The following SLC25A21 variants were observed in gnomAD, a reference collection of about 807,000 sequenced individuals.
The protein encoded by SLC25A21 is solute carrier family 25 member 21, also known as mitochondrial 2-oxodicarboxylate carrier.
A neutral mutation model predicts 43.8 loss-of-function variants in SLC25A21; 47 were observed. The ratio of observed to expected loss-of-function variants is 1.07; its 90% confidence interval spans 0.85 to 1.37. The LOEUF is 1.37. Ranked by LOEUF, SLC25A21 falls within the 40% of genes most tolerant of loss-of-function variation. The probability of loss-of-function intolerance (pLI) is 0.00; values close to 1 mark genes in which losing one functional copy is unlikely to be tolerated. For missense variants in SLC25A21, 352 were observed against 350.2 expected, an observed-to-expected ratio of 1.00 and a Z score of -0.04; for synonymous variants, 131 against 121.3, an observed-to-expected ratio of 1.08 and a Z score of -0.52.
At chr14:36,700,164 C>T (rs1371721205) in intron 7 of SLC25A21, among the ~76,000 whole-genome samples, 2 of 152,210 alleles carry the variant, frequency 1.3e-5, no homozygotes, top group Non-Finnish European at 1.5e-5. Flanking sequence ...GCGAGGATTA[C>T]AGGCATGAGT....
At chr14:37,137,613 C>T (rs898167724) in intron 1 of SLC25A21, among the ~76,000 whole-genome samples, 2 of 152,070 alleles carry the variant, frequency 1.3e-5, no homozygotes, top group Non-Finnish European at 2.9e-5. Context: ...GTGCCAGCTG[C>T]CTGACTTTTA....
chr14:36,720,161 TC>T (rs1160080547), intron 6 of SLC25A21, among the ~76,000 whole-genome samples: 8 of 152,164 alleles, frequency 5.3e-5, no homozygotes, highest in Non-Finnish European at 8.8e-5. Flanking sequence ...CTGTAGCAGT[TC>T]CTTTGTTCCA....
At chr14:36,981,795 A>G (rs1960031321) in intron 1 of SLC25A21, among the ~76,000 whole-genome samples, 1 of 152,214 alleles carries the variant, frequency 6.6e-6, no homozygotes, top group Non-Finnish European at 1.5e-5. Flanking sequence ...TATGTAACAA[A>G]CCTGCACCTT....
At chr14:36,995,916 C>T (rs1355918745) in intron 1 of SLC25A21, among the ~76,000 whole-genome samples, 1 of 152,200 alleles carries the variant, frequency 6.6e-6, no homozygotes, top group Non-Finnish European at 1.5e-5. Flanking sequence ...TTGGACCAGG[C>T]ATTCATTTAA....
At chr14:36,709,392 G>A (rs571228124) in intron 7 of SLC25A21, among the ~76,000 whole-genome samples, 1 of 152,248 alleles carries the variant, frequency 6.6e-6, no homozygotes, top group East Asian at 1.9e-4. Flanking sequence ...TATTTAGCAG[G>A]TTCCTCTAAA....
chr14:36,846,747 A>G (rs1889557328), intron 2 of SLC25A21, among the ~76,000 whole-genome samples: 1 of 152,188 alleles, frequency 6.6e-6, no homozygotes, highest in South Asian at 2.1e-4. Context: ...TGTGTTGAAT[A>G]TATAGCAAAT....
intron 1 of SLC25A21, among the ~76,000 whole-genome samples, chr14:36,992,849 GC>G (rs1960293886): frequency 6.6e-6 from 1 of 152,004 alleles, no homozygotes; most frequent in Admixed American, 6.6e-5. Context: ...TGTTTCCTTT[GC>G]CCAGATCCAC....
At chr14:37,170,596 A>C (rs1255782197) in intron 1 of SLC25A21, among the ~76,000 whole-genome samples, 1 of 152,146 alleles carries the variant, frequency 6.6e-6, no homozygotes, top group East Asian at 1.9e-4. Context: ...CAAATTCATC[A>C]TCACAATTGG....
chr14:37,088,871 C>G (rs1962531963), intron 1 of SLC25A21, among the ~76,000 whole-genome samples: 1 of 151,102 alleles, frequency 6.6e-6, no homozygotes, highest in South Asian at 2.1e-4. Context: ...TTCTTTCTTA[C>G]TCTCTCTCTC....
At chr14:36,736,081 A>G (rs1197787338) in intron 3 of SLC25A21, among the ~76,000 whole-genome samples, 2 of 151,032 alleles carry the variant, frequency 1.3e-5, no homozygotes, top group African/African-American at 4.9e-5. Context: ...GACTACAGGC[A>G]CCCGCCACCA....
chr14:36,945,129 A>C (rs2138654412), intron 1 of SLC25A21, among the ~76,000 whole-genome samples: 1 of 152,270 alleles, frequency 6.6e-6, no homozygotes, highest in Non-Finnish European at 1.5e-5. Flanking sequence ...TGTGAGGATA[A>C]GAAGAAGTGG....
chr14:36,893,497 T>C (rs914823939), intron 1 of SLC25A21, among the ~76,000 whole-genome samples: 4 of 152,196 alleles, frequency 2.6e-5, no homozygotes, highest in Non-Finnish European at 4.4e-5. Context: ...GTAGGTTGCC[T>C]GTTCACTCTG....
At chr14:37,037,014 T>C (rs1205121119) in intron 1 of SLC25A21, among the ~76,000 whole-genome samples, 1 of 152,198 alleles carries the variant, frequency 6.6e-6, no homozygotes, top group Non-Finnish European at 1.5e-5. Flanking sequence ...TTTCTCTTCA[T>C]AAATGAACAT....
At position 36,967,753 on chromosome 14, in the gene SLC25A21, T is replaced by C. The variant is rs973862076; in HGVS notation, c.71-92749A>G. On this transcript the variant is annotated intron_variant, in intron 1 of 9. Coordinates refer to ENST00000331299, the MANE Select transcript of SLC25A21 (RefSeq NM_030631.4). Reference sequence around the variant, plus strand: ...GGTACTGGAGGTACAATGATGAAGATTGACAGCACACTCCCTGCCTGTGTG... The same window carrying C: ...GGTACTGGAGGTACAATGATGAAGACTGACAGCACACTCCCTGCCTGTGTG... 3.9e-5 allele frequency among the ~76,000 whole-genome samples: 6 copies of C among 152,330 alleles called. No homozygotes were observed. In the East Asian group the frequency reaches 9.6e-4, roughly 24 times the overall value.
chr14:37,072,497 T>C (rs1962193532), intron 1 of SLC25A21, among the ~76,000 whole-genome samples: 1 of 152,178 alleles, frequency 6.6e-6, no homozygotes, highest in African/African-American at 2.4e-5. Context: ...CTGGGTGCAA[T>C]GTCTCACGCC....
At chr14:36,895,472 T>C (rs952260734) in intron 1 of SLC25A21, among the ~76,000 whole-genome samples, 2 of 152,212 alleles carry the variant, frequency 1.3e-5, no homozygotes, top group Non-Finnish European at 1.5e-5. Context: ...TCAATTTTGT[T>C]GATCTTTTCA....
At chr14:36,806,056 G>T (rs964838487) in intron 3 of SLC25A21, among the ~76,000 whole-genome samples, 4 of 139,808 alleles carry the variant, frequency 2.9e-5, no homozygotes, top group African/African-American at 1.0e-4. Flanking sequence ...CTCTACTAAA[G>T]ATATAAAAAA....
At chr14:36,887,067 T>C (rs1045712464) in intron 1 of SLC25A21, among the ~76,000 whole-genome samples, 3 of 151,928 alleles carry the variant, frequency 2.0e-5, no homozygotes, top group Admixed American at 6.6e-5. Context: ...GAGAAGGAAA[T>C]GTGAAGAAAA....
At chr14:37,097,124 A>C (rs1407469019) in intron 1 of SLC25A21, 1 of 150,592 alleles carries the variant, frequency 6.6e-6, no homozygotes, top group Non-Finnish European at 1.5e-5. Context: ...TTTCTGAAAC[A>C]AGGTCTTACT....
Sources: gnomAD v4.1 joint callset for allele counts (sites outside exome capture counted in the v4.1 genomes callset) on GRCh38, gnomAD v4.1.1 for gene constraint, MANE v1.5 for transcripts, NCBI Gene and HGNC (gene_info 2026-07-23, HGNC 2026-07-21) for gene names.